DENND5A: variants seen among roughly 807,000 people sequenced by gnomAD.
DENND5A encodes the protein DENN domain-containing protein 5A.
DENND5A carries 64 observed loss-of-function variants against 140.3 expected under a neutral mutation model. That is an observed-to-expected ratio of 0.46 (90% confidence interval 0.37 to 0.56). DENND5A has a LOEUF of 0.56. Among genes scored for constraint, DENND5A ranks in the 20% least tolerant of loss-of-function variants. DENND5A has a pLI of 0.00. For missense variants in DENND5A, 1,292 were observed against 1,593.8 expected (o/e 0.81, Z 3.22); for synonymous variants, 605 against 607.7 (o/e 1.00, Z 0.07).
chr11:9,239,584 C>T lies in DENND5A; in HGVS notation c.109+25377G>A, dbSNP rs552011591. Among the ~76,000 whole-genome samples, 404 of 111,658 alleles carry T rather than the reference C, an allele frequency of 3.6e-3. 2 individuals are homozygous for T. Among genetic ancestry groups the T allele is most frequent in the Non-Finnish European group, 7.0e-3 (358 of 51,380 alleles). The allele number at this position is 111,658 out of a possible 152,430, so 73.3% of individuals were successfully genotyped here. On this transcript the variant is annotated intron_variant, in intron 1 of 22. Transcript: ENST00000328194. ...TGGGCTCAAGCCATCCTCCTGCCTC[C>T]GCCTCCCAAGTAGCTGAGACTACAG... is the stretch of plus-strand genomic sequence containing the variant.
chr11:9,154,579 G>A (rs1299493532), intron 12 of DENND5A, among the ~76,000 whole-genome samples: 2 of 151,848 alleles, frequency 1.3e-5, no homozygotes, highest in African/African-American at 2.4e-5. Context: ...CTATAGATCA[G>A]CAAGCTGTCA....
At chr11:9,262,271 C>T (rs954561038) in intron 1 of DENND5A, among the ~76,000 whole-genome samples, 4 of 152,262 alleles carry the variant, frequency 2.6e-5, no homozygotes, top group Middle Eastern at 3.4e-3. Flanking sequence ...CTCATGCTCT[C>T]GCTAACAGTT....
In DENND5A at chr11:9,164,069, T is replaced by G. The variant is rs973516530; in HGVS notation, c.2283+1767A>C. ...TATATTAATCAGGTTTTTTTTTTTTTTTTTTTTTTTTTTTTTTTTTGAGAG... is the reference window on the plus strand; with the variant it reads ...TATATTAATCAGGTTTTTTTTTTTTGTTTTTTTTTTTTTTTTTTTTGAGAG... On this transcript the variant is annotated intron_variant, in intron 11 of 22. Coordinates refer to ENST00000328194, the MANE Select transcript of DENND5A (RefSeq NM_015213.4). Among the ~76,000 whole-genome samples the G allele has an allele frequency of 5.0e-5, 6 of 119,198 alleles. No individual in the cohort carries two copies. In the East Asian group the frequency reaches 8.8e-4, roughly 17 times the overall value. 78.2% of individuals were successfully genotyped at this position (119,198 alleles called of 152,430 possible).
intron 11 of DENND5A, 134 bp downstream of exon 11, chr11:9,165,702 G>A (rs754388357): frequency 9.2e-7 from 1 of 1,083,488 alleles, no homozygotes; most frequent in African/African-American, 1.6e-5. Flanking sequence ...CCAAAGTGTT[G>A]GGATTACAGG....
chr11:9,203,150 T>G (rs539288803), intron 4 of DENND5A, among the ~76,000 whole-genome samples: 5 of 152,252 alleles, frequency 3.3e-5, no homozygotes, highest in Admixed American at 3.3e-4. Flanking sequence ...TGTTTCTTTC[T>G]AATCTACTTT....
chr11:9,249,042 G>A (rs980391351), intron 1 of DENND5A, among the ~76,000 whole-genome samples: 6 of 151,920 alleles, frequency 3.9e-5, no homozygotes, highest in South Asian at 2.1e-4. Flanking sequence ...CCTGGCTAAC[G>A]TGGTGAAACC....
At chr11:9,140,178 T>G in intron 22 of DENND5A, 1 of 1,375,486 alleles carries the variant, frequency 7.3e-7, no homozygotes, top group Non-Finnish European at 9.6e-7. Flanking sequence ...GGAATAATAA[T>G]AAGCACTAAC....
chr11:9,143,523 G>C (rs372899647), intron 19 of DENND5A, 38 bp from the exon 20 acceptor site: 10 of 1,532,118 alleles, frequency 6.5e-6, no homozygotes, highest in Non-Finnish European at 9.0e-6. Context: ...ACCAATCTCT[G>C]AGGCTAACAG....
chr11:9,174,123 A>G (rs1283131347), intron 8 of DENND5A, among the ~76,000 whole-genome samples: 47 of 149,668 alleles, frequency 3.1e-4, no homozygotes, highest in African/African-American at 8.1e-4. Flanking sequence ...AAAAAAAAAA[A>G]AAAAAAGAAA....
At chr11:9,243,041 T>C (rs1227143310) in intron 1 of DENND5A, among the ~76,000 whole-genome samples, 1 of 138,420 alleles carries the variant, frequency 7.2e-6, no homozygotes, top group African/African-American at 2.7e-5. Context: ...TGAGCTGAGA[T>C]TGCACCACTG....
chr11:9,255,384 T>C (rs1253102600), intron 1 of DENND5A, among the ~76,000 whole-genome samples: 1 of 151,232 alleles, frequency 6.6e-6, no homozygotes, highest in East Asian at 1.9e-4. Context: ...TTTCAGGTTG[T>C]TTAAGACCTG....
intron 7 of DENND5A, 80 bp from the exon 8 acceptor site, chr11:9,178,446 A>G: frequency 2.4e-6 from 2 of 846,000 alleles, no homozygotes; most frequent in Non-Finnish European, 3.9e-6. Context: ...TAGGTTAATT[A>G]TTCTCTGAGG....
At chr11:9,211,883 T>TC (rs1257918816) in intron 1 of DENND5A, among the ~76,000 whole-genome samples, 1 of 138,496 alleles carries the variant, frequency 7.2e-6, no homozygotes, top group Non-Finnish European at 1.5e-5. Flanking sequence ...TAAGCCAAGA[T>TC]CGTGCCACTG....
chr11:9,244,771 C>T (rs1851393137), intron 1 of DENND5A, among the ~76,000 whole-genome samples: 1 of 152,122 alleles, frequency 6.6e-6, no homozygotes, highest in Non-Finnish European at 1.5e-5. Context: ...ACTTCCTGGG[C>T]TCAAGCAATC....
At chr11:9,155,149 A>T (rs1445833502) in intron 12 of DENND5A, among the ~76,000 whole-genome samples, 1 of 146,288 alleles carries the variant, frequency 6.8e-6, no homozygotes, top group Non-Finnish European at 1.5e-5. Flanking sequence ...ACTCCATTTA[A>T]AAAAAAAAAA....
intron 4 of DENND5A, among the ~76,000 whole-genome samples, chr11:9,201,364 G>C (rs1849516447): frequency 6.8e-6 from 1 of 147,968 alleles, no homozygotes; most frequent in Non-Finnish European, 1.5e-5. Flanking sequence ...GATAGAATAA[G>C]ACTCTATTTC....
chr11:9,152,305 G>A (rs1847643951), intron 13 of DENND5A, 53 bp downstream of exon 13: 1 of 1,302,056 alleles, frequency 7.7e-7, no homozygotes, highest in Admixed American at 1.7e-5. Flanking sequence ...CACGCCAGTG[G>A]GTGATGGAAA....
intron 11 of DENND5A, among the ~76,000 whole-genome samples, chr11:9,162,690 T>A (rs892924522): frequency 1.3e-5 from 2 of 152,042 alleles, no homozygotes; most frequent in African/African-American, 4.8e-5. Context: ...CCCTAAAATA[T>A]ATGGTTTGGT....
chr11:9,193,507 T>A lies in DENND5A; in HGVS notation c.1124A>T (p.Glu375Val). Reference protein sequence around the residue: ...SNGLDDRSKLELPQEANLCFV... With the variant: ...SNGLDDRSKLVLPQEANLCFV... ...TCAAGATCTCACCTCTTGAGGCAGC[T>A]CCAGCTTTGACCGGTCATCCAGGCC... is the stretch of plus-strand genomic sequence containing the variant. The change falls in exon 5 of 23, where the codon GAG (glutamate) becomes GTG (valine). Residue 375 changes from glutamate to valine, a missense_variant. Physicochemically the swap from Glu to Val is moderately radical, Grantham distance 121. This residue lies in a region of DENND5A where 566 missense variants were observed against 650.4 expected (regional missense o/e 0.87). Coordinates refer to ENST00000328194, the MANE Select transcript of DENND5A (RefSeq NM_015213.4). The A allele has an allele frequency of 6.2e-7, 1 of 1,608,148 alleles. No individual in the cohort carries two copies.
Sources: gnomAD v4.1 joint callset for allele counts (sites outside exome capture counted in the v4.1 genomes callset) on GRCh38, gnomAD v4.1.1 for gene constraint, gnomAD v4.1.1 regional missense constraint, MANE v1.5 for transcripts, NCBI Gene and HGNC (gene_info 2026-07-23, HGNC 2026-07-21) for gene names.